Variants in RAB38 observed in about 807,000 individuals in gnomAD.
RAB38 encodes ras-related protein Rab-38.
Under a neutral mutation model 18.4 loss-of-function variants are expected in RAB38, and 15 were observed. That is an observed-to-expected ratio of 0.82 (90% CI 0.55 to 1.26). The LOEUF (loss-of-function observed/expected upper bound fraction) is 1.26, where lower values mean the gene tolerates loss of function less well. Ranked by LOEUF, RAB38 falls within the 50% of genes most tolerant of loss-of-function variation. RAB38 has a pLI of 0.00. For synonymous variants in RAB38, 101 were observed against 104.4 expected, an observed-to-expected ratio of 0.97 and a Z score of 0.20; for missense variants, 294 against 267.4, an observed-to-expected ratio of 1.10 and a Z score of -0.69.
At chr11:87,834,690 TA>T in the RAB38 span, among the ~76,000 whole-genome samples, 1 of 152,192 alleles carries the variant, frequency 6.6e-6, no homozygotes, top group South Asian at 2.1e-4. Context: ...GTAAACCTGG[TA>T]GTCAGATAAT....
At chr11:87,929,836 T>C in the RAB38 span, among the ~76,000 whole-genome samples, 3 of 151,694 alleles carry the variant, frequency 2.0e-5, no homozygotes, top group East Asian at 5.9e-4. Flanking sequence ...GTCCTTGCGA[T>C]AGTTTGCTGA....
the RAB38 span, among the ~76,000 whole-genome samples, chr11:87,899,423 G>A: frequency 6.6e-6 from 1 of 151,730 alleles, no homozygotes; most frequent in African/African-American, 2.4e-5. Flanking sequence ...CTTTATAATG[G>A]CTATTTGAAT....
chr11:87,929,707 T>C, the RAB38 span, among the ~76,000 whole-genome samples: 1 of 147,588 alleles, frequency 6.8e-6, no homozygotes, highest in Non-Finnish European at 1.5e-5. Context: ...AATGCTATCC[T>C]TCCCCCCTCC....
At chr11:88,088,213 C>G in the RAB38 span, among the ~76,000 whole-genome samples, 2 of 151,902 alleles carry the variant, frequency 1.3e-5, no homozygotes, top group Non-Finnish European at 2.9e-5. Context: ...TGCAATTAGG[C>G]AGAAGAGAAG....
the RAB38 span, among the ~76,000 whole-genome samples, chr11:87,902,916 C>G: frequency 6.7e-6 from 1 of 150,336 alleles, no homozygotes; most frequent in Non-Finnish European, 1.5e-5. Context: ...ATGCTTGTAT[C>G]TTTTAGTCTT....
chr11:87,918,987 C>T, the RAB38 span, among the ~76,000 whole-genome samples: 1 of 150,618 alleles, frequency 6.6e-6, no homozygotes, highest in Non-Finnish European at 1.5e-5. Context: ...CATATGTTTT[C>T]TTATACTGTA....
At chr11:88,161,705 A>G (rs1943191170) in intron 1 of RAB38, among the ~76,000 whole-genome samples, 1 of 152,030 alleles carries the variant, frequency 6.6e-6, no homozygotes, top group Admixed American at 6.6e-5. Context: ...TCTATACTCA[A>G]CTCCAACTTC....
the RAB38 span, among the ~76,000 whole-genome samples, chr11:87,852,105 C>T: frequency 7.0e-6 from 1 of 143,686 alleles, no homozygotes; most frequent in Non-Finnish European, 1.5e-5. Context: ...TCTTTTTGTT[C>T]AGCTTCTTCT....
At chr11:88,082,370 AAGG>A in the RAB38 span, among the ~76,000 whole-genome samples, 16 of 151,878 alleles carry the variant, frequency 1.1e-4, no homozygotes, top group Non-Finnish European at 2.1e-4. Flanking sequence ...GCCAAAAAGG[AAGG>A]AGATCAATTT....
At chr11:88,051,226 G>A in the RAB38 span, among the ~76,000 whole-genome samples, 2 of 151,956 alleles carry the variant, frequency 1.3e-5, no homozygotes, top group Admixed American at 1.3e-4. Flanking sequence ...CTTTCCTGCT[G>A]GAGGGCCTAA....
At chr11:88,102,606 G>C in the RAB38 span, among the ~76,000 whole-genome samples, 1 of 152,050 alleles carries the variant, frequency 6.6e-6, no homozygotes, top group Non-Finnish European at 1.5e-5. Flanking sequence ...ATTCACGTAA[G>C]AAGGAGAAAA....
At chr11:87,919,615 C>A in the RAB38 span, among the ~76,000 whole-genome samples, 1 of 151,656 alleles carries the variant, frequency 6.6e-6, no homozygotes, top group East Asian at 1.9e-4. Flanking sequence ...TGCCAGCTTT[C>A]TAAAATGAGT....
chr11:88,033,039 A>C, the RAB38 span, among the ~76,000 whole-genome samples: 1 of 152,188 alleles, frequency 6.6e-6, no homozygotes, highest in African/African-American at 2.4e-5. Flanking sequence ...ATGGAATACT[A>C]TGCAGCCATA....
the RAB38 span, chr11:88,050,152 A>T: frequency 6.6e-6 from 1 of 152,140 alleles, no homozygotes; most frequent in Admixed American, 6.5e-5. Flanking sequence ...AACTTGACCT[A>T]CCTTGCTTAT....
the RAB38 span, among the ~76,000 whole-genome samples, chr11:87,812,498 A>G: frequency 2.6e-5 from 4 of 152,204 alleles, no homozygotes; most frequent in Non-Finnish European, 4.4e-5. Flanking sequence ...TAGGGTTTGT[A>G]TACATATTGT....
the RAB38 span, among the ~76,000 whole-genome samples, chr11:87,864,508 A>G: frequency 1.3e-5 from 2 of 151,576 alleles, no homozygotes; most frequent in African/African-American, 4.8e-5. Flanking sequence ...CTCAAACATA[A>G]TATTCTTGTT....
At chr11:87,863,370 G>C in the RAB38 span, among the ~76,000 whole-genome samples, 1 of 151,766 alleles carries the variant, frequency 6.6e-6, no homozygotes, top group African/African-American at 2.4e-5. Context: ...AATGACAATA[G>C]CTGTTAGTTT....
the RAB38 span, among the ~76,000 whole-genome samples, chr11:87,942,376 C>A: frequency 6.6e-6 from 1 of 152,024 alleles, no homozygotes; most frequent in Non-Finnish European, 1.5e-5. Context: ...AAACCTGAAA[C>A]AATAACCTCC....
At chr11:87,824,721 G>T in the RAB38 span, among the ~76,000 whole-genome samples, 8,956 of 152,190 alleles carry the variant, frequency 0.059, 367 homozygotes, top group Non-Finnish European at 0.084. Flanking sequence ...ATGGAAAACA[G>T]GTGGAAAAAA....
Sources: gnomAD v4.1 joint callset for allele counts (sites outside exome capture counted in the v4.1 genomes callset) on GRCh38, gnomAD v4.1.1 for gene constraint, MANE v1.5 for transcripts, NCBI Gene and HGNC (gene_info 2026-07-23, HGNC 2026-07-21) for gene names.